GRM8: variants seen among roughly 807,000 people sequenced by gnomAD.
GRM8 encodes the protein glutamate metabotropic receptor 8, also known as metabotropic glutamate receptor 8.
GRM8 carries 47 observed loss-of-function variants against 87.2 expected under a neutral mutation model. That is an observed-to-expected ratio of 0.54 (90% CI 0.43 to 0.69). GRM8 has a LOEUF of 0.69. GRM8 is among the 30% of genes least tolerant of loss of function. The pLI, the probability that GRM8 is intolerant of heterozygous loss-of-function variation, is 0.00. For missense variants in GRM8, 1,019 were observed against 1,139.2 expected, an observed-to-expected ratio of 0.89 and a Z score of 1.52; for synonymous variants, 396 against 404.5, an observed-to-expected ratio of 0.98 and a Z score of 0.25.
At chr7:126,805,487 T>G (rs1057255968) in intron 6 of GRM8, among the ~76,000 whole-genome samples, 1 of 152,218 alleles carries the variant, frequency 6.6e-6, no homozygotes, top group African/African-American at 2.4e-5. Context: ...TAGTCTTTGT[T>G]ATTCCCCCAG....
intron 7 of GRM8, among the ~76,000 whole-genome samples, chr7:126,740,511 G>C (rs1240640591): frequency 1.3e-5 from 2 of 152,080 alleles, no homozygotes; most frequent in Non-Finnish European, 2.9e-5. Context: ...CTTATACTGA[G>C]CTTTTTCTGC....
chr7:126,919,572 C>T (rs908764780), intron 3 of GRM8, among the ~76,000 whole-genome samples: 4 of 151,088 alleles, frequency 2.6e-5, no homozygotes, highest in African/African-American at 9.8e-5. Context: ...ATCTGATGAC[C>T]AGTTCATTGA....
At chr7:126,757,474 C>T (rs530441237) in intron 7 of GRM8, among the ~76,000 whole-genome samples, 6 of 152,194 alleles carry the variant, frequency 3.9e-5, no homozygotes, top group South Asian at 4.2e-4. Flanking sequence ...AACGAAAAGC[C>T]GAACAAGACC....
At chr7:126,736,288 A>G (rs1478086057) in intron 7 of GRM8, among the ~76,000 whole-genome samples, 1 of 152,038 alleles carries the variant, frequency 6.6e-6, no homozygotes, top group East Asian at 1.9e-4. Context: ...CTATGTACCT[A>G]TTTAAATTCT....
chr7:126,621,461 C>T (rs1800165335), intron 7 of GRM8, among the ~76,000 whole-genome samples: 1 of 152,142 alleles, frequency 6.6e-6, no homozygotes, highest in Non-Finnish European at 1.5e-5. Context: ...CTCTGTCCTC[C>T]AGGCTGGAGT....
At chr7:126,832,644 A>C (rs1244033120) in intron 6 of GRM8, among the ~76,000 whole-genome samples, 1 of 152,248 alleles carries the variant, frequency 6.6e-6, no homozygotes, top group Admixed American at 6.5e-5. Context: ...AACTACTGTT[A>C]CAAAAAGGGA....
chr7:127,062,322 G>A (rs1820685845), intron 3 of GRM8, among the ~76,000 whole-genome samples: 1 of 152,192 alleles, frequency 6.6e-6, no homozygotes, highest in South Asian at 2.1e-4. Flanking sequence ...CACCAAGAGA[G>A]GAGCTGGCTT....
intron 7 of GRM8, among the ~76,000 whole-genome samples, chr7:126,630,670 AG>A (rs1207398335): frequency 1.3e-5 from 2 of 152,164 alleles, no homozygotes; most frequent in African/African-American, 4.8e-5. Flanking sequence ...CACACACAAA[AG>A]TTTATCCAGG....
At chr7:126,633,445 T>G (rs1801543450) in intron 7 of GRM8, among the ~76,000 whole-genome samples, 1 of 152,122 alleles carries the variant, frequency 6.6e-6, no homozygotes, top group South Asian at 2.1e-4. Flanking sequence ...GCATCAATGC[T>G]CCTGAAGATC....
At chr7:127,147,375 AGTTTACCTTAAAGGACCTT>A (rs753421496) in intron 2 of GRM8, among the ~76,000 whole-genome samples, 9 of 152,098 alleles carry the variant, frequency 5.9e-5, no homozygotes, top group Non-Finnish European at 1.2e-4. Flanking sequence ...GGGAAGCTCA[AGTTTACCTTAAAGGACCTT>A]GTTTCCTAAT....
intron 8 of GRM8, among the ~76,000 whole-genome samples, chr7:126,574,145 C>T (rs1047344635): frequency 3.9e-5 from 6 of 152,220 alleles, no homozygotes; most frequent in Non-Finnish European, 8.8e-5. Flanking sequence ...GTTACCATCA[C>T]CCACCTACCC....
chr7:126,497,449 C>T (rs1808929336), intron 9 of GRM8, among the ~76,000 whole-genome samples: 1 of 151,882 alleles, frequency 6.6e-6, no homozygotes, highest in South Asian at 2.1e-4. Context: ...CTGCAACTGC[C>T]TGAAGTTACT....
At chr7:126,994,993 G>A (rs375599599) in intron 3 of GRM8, among the ~76,000 whole-genome samples, 3 of 152,168 alleles carry the variant, frequency 2.0e-5, no homozygotes, top group Non-Finnish European at 4.4e-5. Context: ...AGTGGTGGTG[G>A]CCACAGGGGT....
chr7:127,055,805 C>T (rs546407389), intron 3 of GRM8, among the ~76,000 whole-genome samples: 1 of 148,124 alleles, frequency 6.8e-6, no homozygotes, highest in South Asian at 2.3e-4. Flanking sequence ...TTTGCTATCT[C>T]TAAGGGGAAA....
At position 127,110,245 on chromosome 7, in the gene GRM8, C is replaced by T. The variant is rs148110562; in HGVS notation, c.511-3533G>A. ...TTTTGTGAACTGCCCTTTCATTACC[C>T]CTGGGTGTGCCAGAAGCCTGATGAA... On this transcript the variant is annotated intron_variant, in intron 2 of 10. Transcript: ENST00000339582. 2.4e-3 allele frequency among the ~76,000 whole-genome samples: 368 copies of T among 152,254 alleles called. 1 individual carries two copies. The highest frequency in any genetic ancestry group is 8.2e-3 in the African/African-American group (342 of 41,536).
At chr7:126,637,865 C>T (rs1156432883) in intron 7 of GRM8, among the ~76,000 whole-genome samples, 1 of 151,810 alleles carries the variant, frequency 6.6e-6, no homozygotes, top group East Asian at 1.9e-4. Context: ...TTAGAAGTAC[C>T]CAACATGAAC....
At chr7:127,221,314 T>C (rs1796915513) in intron 2 of GRM8, among the ~76,000 whole-genome samples, 1 of 152,230 alleles carries the variant, frequency 6.6e-6, no homozygotes, top group African/African-American at 2.4e-5. Context: ...GTACCACCGA[T>C]GAAGCCTGGG....
chr7:126,873,099 G>A (rs1196700465), intron 6 of GRM8, among the ~76,000 whole-genome samples: 3 of 152,016 alleles, frequency 2.0e-5, no homozygotes, highest in East Asian at 1.9e-4. Context: ...TTTTAAAGAT[G>A]CATTTTTCCT....
At chr7:127,060,675 A>C (rs150114808) in intron 3 of GRM8, among the ~76,000 whole-genome samples, 1 of 152,212 alleles carries the variant, frequency 6.6e-6, no homozygotes, top group Non-Finnish European at 1.5e-5. Context: ...TAAGTATGGC[A>C]TGCCTTTTTT....
Sources: gnomAD v4.1 joint callset for allele counts (sites outside exome capture counted in the v4.1 genomes callset) on GRCh38, gnomAD v4.1.1 for gene constraint, MANE v1.5 for transcripts, NCBI Gene and HGNC (gene_info 2026-07-23, HGNC 2026-07-21) for gene names.